The following DPCD variants were observed in gnomAD, a reference collection of about 807,000 sequenced individuals.
DPCD encodes deleted in primary ciliary dyskinesia homolog (mouse).
A neutral mutation model predicts 26.4 loss-of-function variants in DPCD; 20 were observed. The observed-to-expected ratio is 0.76, with a 90% CI of 0.53 to 1.10. DPCD has a LOEUF of 1.10. DPCD is among the 50% of genes least tolerant of loss of function. The pLI, the probability that DPCD is intolerant of heterozygous loss-of-function variation, is 0.00. For missense variants in DPCD, 202 were observed against 253.9 expected (o/e 0.80, Z 1.39); for synonymous variants, 97 against 94.2 (o/e 1.03, Z -0.17).
At chr10:101,597,564 G>A (rs904780969) in intron 2 of DPCD, among the ~76,000 whole-genome samples, 2 of 152,188 alleles carry the variant, frequency 1.3e-5, no homozygotes, top group African/African-American at 4.8e-5. Context: ...CCTGCTTCCT[G>A]CTGATTTAGG....
intron 1 of DPCD, among the ~76,000 whole-genome samples, chr10:101,593,301 C>T (rs2063625690): frequency 6.6e-6 from 1 of 152,122 alleles, no homozygotes; most frequent in Admixed American, 6.5e-5. Context: ...CTGCTAGAGG[C>T]CCTGCAAATT....
intron 4 of DPCD, among the ~76,000 whole-genome samples, chr10:101,602,307 T>G (rs1474035326): frequency 6.6e-6 from 1 of 152,162 alleles, no homozygotes; most frequent in East Asian, 1.9e-4. Flanking sequence ...GTGGTGCCAG[T>G]CTCCCCTTCC....
Position 101,609,396 on chromosome 10 carries a change from C to T in DPCD, c.537C>T (p.Ala179=), listed in dbSNP as rs377599266. Residue 179 remains alanine, a synonymous_variant, in exon 6 of 6, where the codon GCC becomes GCT. Coordinates refer to ENST00000370151, the MANE Select transcript of DPCD (RefSeq NM_015448.3). ...AGAAGCCAAAGGAGGTTGTGGTGGCCGAGTCTGAGCTACAGAAGGAACTAA... is the reference window on the plus strand; with the variant it reads ...AGAAGCCAAAGGAGGTTGTGGTGGCTGAGTCTGAGCTACAGAAGGAACTAA... ...SYQKPKEVVV[A]ESELQKELKK... 33 of 1,613,926 alleles carry T rather than the reference C, an allele frequency of 2.0e-5. No homozygotes were observed. The highest frequency in any genetic ancestry group is 2.0e-4 in the African/African-American group (15 of 74,864).
chr10:101,603,508 A>G lies in DPCD; in HGVS notation c.404+2172A>G, dbSNP rs1352485960. Reference sequence around the variant, plus strand: ...CGCGGTGGCTCACGCCTGTAATCCCAGCACTCTGGGAAGCCAAGGCAGGTG... The same window carrying G: ...CGCGGTGGCTCACGCCTGTAATCCCGGCACTCTGGGAAGCCAAGGCAGGTG... On this transcript the variant is annotated intron_variant, in intron 4 of 5. Transcript: ENST00000370151. This position sits in a 1 kb window ranked among gnomAD's most constrained non-coding sequence, Gnocchi z 4.6. Among the ~76,000 whole-genome samples the G allele has an allele frequency of 6.6e-6, 1 of 151,688 alleles. No individual in the cohort carries two copies. Among genetic ancestry groups the G allele is most frequent in the East Asian group, 1.9e-4 (1 of 5,166 alleles).
chr10:101,603,929 A>AT lies in DPCD; in HGVS notation c.404+2599dup, dbSNP rs1398043979. Reference sequence around the variant, plus strand: ...CACCCAATCTGGCCAAGTTTAAACAATTTTTTATAGCGTTGAGGGTCTCTC... The same window carrying AT: ...CACCCAATCTGGCCAAGTTTAAACAATTTTTTTATAGCGTTGAGGGTCTCTC... On this transcript the variant is annotated intron_variant, in intron 4 of 5. Coordinates refer to ENST00000370151, the MANE Select transcript of DPCD (RefSeq NM_015448.3). The surrounding 1 kb of genome is among the most constrained non-coding windows in gnomAD (Gnocchi z 4.6). Among the ~76,000 whole-genome samples the AT allele has an allele frequency of 3.9e-5, 6 of 151,998 alleles. No individual in the cohort carries two copies. The highest frequency in any genetic ancestry group is 1.5e-4 in the African/African-American group (6 of 41,370).
chr10:101,594,571 G>C, intron 1 of DPCD, 87 bp from the exon 2 acceptor site: 1 of 1,365,636 alleles, frequency 7.3e-7, no homozygotes, highest in Non-Finnish European at 1.0e-6. Flanking sequence ...CCCAAGGCTG[G>C]CACTGTTTCC....
chr10:101,595,708 T>C (rs2063646676), intron 2 of DPCD, among the ~76,000 whole-genome samples: 1 of 152,182 alleles, frequency 6.6e-6, no homozygotes, highest in Middle Eastern at 3.2e-3. Flanking sequence ...CACAGTGAAG[T>C]GTTGATCCCT....
intron 1 of DPCD, among the ~76,000 whole-genome samples, chr10:101,590,150 C>T (rs2063591276): frequency 6.6e-6 from 1 of 151,506 alleles, no homozygotes; most frequent in African/African-American, 2.4e-5. Flanking sequence ...CATATAAGGA[C>T]CCTATGTGAA....
At chr10:101,601,106 A>C (rs2134771376) in intron 3 of DPCD, 97 bp from the exon 4 acceptor site, 1 of 1,560,576 alleles carries the variant, frequency 6.4e-7, no homozygotes, top group East Asian at 2.2e-5. Context: ...AGTGGAGAAG[A>C]GCTGAGGGTC....
At position 101,605,283 on chromosome 10, in the gene DPCD, T is replaced by C. The variant is rs2134779699; in HGVS notation, c.405-3552T>C. The C allele has an allele frequency of 2.0e-6, 3 of 1,537,326 alleles. No homozygotes were observed. In the East Asian group the frequency reaches 7.4e-5, roughly 38 times the overall value. The stretch of plus-strand genomic sequence containing the variant: ...CTGCCTTCAGCCTCCAGAGTCTCTC[T>C]CCCTCTGAGGGCCTGGCCTCTGGTG... On this transcript the variant is annotated intron_variant, in intron 4 of 5. Transcript: ENST00000370151.
At chr10:101,589,945 G>C (rs1246250380) in intron 1 of DPCD, among the ~76,000 whole-genome samples, 1 of 151,854 alleles carries the variant, frequency 6.6e-6, no homozygotes, top group African/African-American at 2.4e-5. Flanking sequence ...CCAGCTACTT[G>C]TGGTGGCTGA....
intron 4 of DPCD, 110 bp downstream of exon 4, chr10:101,601,446 C>T (rs780888219): frequency 3.8e-5 from 34 of 891,824 alleles, no homozygotes; most frequent in Non-Finnish European, 5.3e-5. Context: ...AGAGGAAGCC[C>T]TTCTGCTTAC....
At chr10:101,599,646 A>G (rs777647759) in intron 2 of DPCD, among the ~76,000 whole-genome samples, 14 of 152,222 alleles carry the variant, frequency 9.2e-5, no homozygotes, top group Non-Finnish European at 1.5e-4. Flanking sequence ...GTCTAAAGTA[A>G]AACCGCCGGC....
At chr10:101,596,361 G>A (rs1340262050) in intron 2 of DPCD, among the ~76,000 whole-genome samples, 2 of 152,110 alleles carry the variant, frequency 1.3e-5, no homozygotes, top group Non-Finnish European at 2.9e-5. Flanking sequence ...ACTCGTCCTC[G>A]TTAAAGCCCT....
At chr10:101,602,436 A>G (rs2063704703) in intron 4 of DPCD, among the ~76,000 whole-genome samples, 1 of 152,206 alleles carries the variant, frequency 6.6e-6, no homozygotes, top group South Asian at 2.1e-4. Context: ...TGGCAGGGTT[A>G]AGAGGACAGG....
At chr10:101,596,722 C>T (rs1447452066) in intron 2 of DPCD, 1 of 152,148 alleles carries the variant, frequency 6.6e-6, no homozygotes, top group African/African-American at 2.4e-5. Flanking sequence ...AAAATACTCT[C>T]CATTATTAAT....
At chr10:101,595,998 C>G (rs2063649056) in intron 2 of DPCD, among the ~76,000 whole-genome samples, 1 of 152,210 alleles carries the variant, frequency 6.6e-6, no homozygotes, top group African/African-American at 2.4e-5. Flanking sequence ...TGCCACTTCT[C>G]TACTCCTCCA....
intron 2 of DPCD, among the ~76,000 whole-genome samples, chr10:101,599,164 G>C (rs1589725073): frequency 6.6e-6 from 1 of 152,200 alleles, no homozygotes; most frequent in South Asian, 2.1e-4. Context: ...CCTAGTCTGA[G>C]CGAGAATCTG....
rs1357237337 is a variant in DPCD at position 101,594,723 on chromosome 10, A to G, written c.130A>G (p.Thr44Ala). The G allele has an allele frequency of 6.2e-7, 1 of 1,614,198 alleles. No individual in the cohort carries two copies. The highest frequency in any genetic ancestry group is 1.7e-5 in the Admixed American group (1 of 60,026). Residue 44 changes from threonine (T) to alanine (A), a missense_variant, in exon 2 of 6, where the codon ACG (threonine) becomes GCG (alanine). Physicochemically the swap from Thr to Ala is moderately conservative, Grantham distance 58. Around this residue, in one of 3 missense-constraint regions of DPCD, gnomAD observed 37 missense variants for 76.0 expected, o/e 0.49. Coordinates refer to ENST00000370151, the MANE Select transcript of DPCD (RefSeq NM_015448.3). The stretch of plus-strand genomic sequence containing the variant: ...AATGGCTGAAGAATATGACGAGAAG[A>G]CGAGTGAACTACTTGGTAAGTGACA... ...KEMAEEYDEK[T>A]SELLVRKWRV...
Sources: gnomAD v4.1 joint callset for allele counts (sites outside exome capture counted in the v4.1 genomes callset) on GRCh38, gnomAD v4.1.1 for gene constraint, gnomAD v4.1.1 regional missense constraint, Gnocchi (gnomAD v3.1) non-coding constraint, MANE v1.5 for transcripts, NCBI Gene and HGNC (gene_info 2026-07-23, HGNC 2026-07-21) for gene names.